The following ACTR3C variants were observed in gnomAD, a reference collection of about 807,000 sequenced individuals.
ACTR3C encodes the protein actin related protein 3C, also known as actin-related protein 3C.
A neutral mutation model predicts 26.3 loss-of-function variants in ACTR3C; 18 were observed. The observed-to-expected ratio is 0.68, with a 90% CI of 0.47 to 1.01. The LOEUF (loss-of-function observed/expected upper bound fraction) is 1.01. Ranked by LOEUF, ACTR3C falls within the 50% of genes least tolerant of loss-of-function variation. ACTR3C has a pLI of 0.00. For synonymous variants in ACTR3C, 55 were observed against 94.5 expected (o/e 0.58, Z 2.42); for missense variants, 184 against 250.7 (o/e 0.73, Z 1.80).
the ACTR3C span, among the ~76,000 whole-genome samples, chr7:150,121,119 G>A: frequency 6.6e-6 from 1 of 152,120 alleles, no homozygotes; most frequent in African/African-American, 2.4e-5. Context: ...CAAACCCACA[G>A]CCAATATCAC....
the ACTR3C span, among the ~76,000 whole-genome samples, chr7:150,043,242 G>A: frequency 1.3e-5 from 2 of 151,124 alleles, no homozygotes; most frequent in Non-Finnish European, 3.0e-5. Context: ...TCCTCCAGGT[G>A]GTTCCTAAGG....
chr7:149,996,708 G>A, the ACTR3C span, among the ~76,000 whole-genome samples: 1 of 149,004 alleles, frequency 6.7e-6, no homozygotes, highest in Non-Finnish European at 1.5e-5. Flanking sequence ...AGTATCCAAT[G>A]GCATCTTAAA....
the ACTR3C span, among the ~76,000 whole-genome samples, chr7:149,977,630 C>T: frequency 1.3e-3 from 195 of 152,334 alleles, no homozygotes; most frequent in African/African-American, 4.4e-3. Flanking sequence ...ATTCACCTCC[C>T]AGGTCTCATG....
chr7:150,017,754 C>T, the ACTR3C span, among the ~76,000 whole-genome samples: 1 of 149,966 alleles, frequency 6.7e-6, no homozygotes, highest in East Asian at 1.9e-4. Context: ...CACCCGTTAT[C>T]CCCCATCTCT....
At chr7:150,194,016 A>C in the ACTR3C span, among the ~76,000 whole-genome samples, 1 of 149,702 alleles carries the variant, frequency 6.7e-6, no homozygotes, top group Non-Finnish European at 1.5e-5. Flanking sequence ...ACACACACAC[A>C]CACACACGAA....
chr7:150,118,103 G>C, the ACTR3C span, among the ~76,000 whole-genome samples: 1 of 152,144 alleles, frequency 6.6e-6, no homozygotes, highest in Non-Finnish European at 1.5e-5. Context: ...AAATACCAAA[G>C]GTAGAGAAAT....
At chr7:150,281,094 G>A (rs1217407694) in intron 6 of ACTR3C, among the ~76,000 whole-genome samples, 2 of 152,002 alleles carry the variant, frequency 1.3e-5, no homozygotes, top group African/African-American at 4.8e-5. Context: ...AAGCACACAG[G>A]TAGCCGAGGT....
the ACTR3C span, among the ~76,000 whole-genome samples, chr7:150,118,425 C>G: frequency 6.6e-6 from 1 of 151,236 alleles, no homozygotes; most frequent in South Asian, 2.1e-4. Flanking sequence ...AGCACGAGAA[C>G]TTTGTGAAGC....
chr7:150,183,696 C>CAAAAAAAAAAAAAAAAAAAAAA, the ACTR3C span, among the ~76,000 whole-genome samples: 1 of 48,034 alleles, frequency 2.1e-5, no homozygotes. Context: ...GTGGCTATGG[C>CAAAAAAAAAAAAAAAAAAAAAA]AAAAAAAAAA....
the ACTR3C span, among the ~76,000 whole-genome samples, chr7:150,123,588 C>T: frequency 3.5e-4 from 46 of 133,196 alleles, no homozygotes; most frequent in Admixed American, 1.7e-3. Flanking sequence ...GGTCAACACA[C>T]ACACACACAC....
chr7:150,192,849 T>C, the ACTR3C span, among the ~76,000 whole-genome samples: 1 of 152,238 alleles, frequency 6.6e-6, no homozygotes, highest in Non-Finnish European at 1.5e-5. Context: ...GATTAACATG[T>C]AAACAACTGA....
the ACTR3C span, among the ~76,000 whole-genome samples, chr7:150,187,193 C>G: frequency 6.6e-6 from 1 of 151,282 alleles, no homozygotes; most frequent in Non-Finnish European, 1.5e-5. Context: ...CTTTTGCTTG[C>G]TATTTCTTTA....
the ACTR3C span, among the ~76,000 whole-genome samples, chr7:150,102,751 ACTC>A: frequency 2.7e-3 from 405 of 150,642 alleles, no homozygotes; most frequent in African/African-American, 9.4e-3. Context: ...TGAAATCAAC[ACTC>A]CTCATCACTC....
the ACTR3C span, among the ~76,000 whole-genome samples, chr7:150,196,486 C>G: frequency 6.6e-6 from 1 of 152,200 alleles, no homozygotes; most frequent in Admixed American, 6.5e-5. Flanking sequence ...TTTGATCCTA[C>G]ATGCTGTTCA....
At chr7:150,307,504 G>A (rs1795886842) in intron 1 of ACTR3C, among the ~76,000 whole-genome samples, 1 of 152,108 alleles carries the variant, frequency 6.6e-6, no homozygotes. Flanking sequence ...TGTACCTTGT[G>A]ACCCCCTCCT....
At chr7:150,078,055 G>A in the ACTR3C span, among the ~76,000 whole-genome samples, 43 of 152,236 alleles carry the variant, frequency 2.8e-4, no homozygotes, top group African/African-American at 1.0e-3. Context: ...AAAATTTCAG[G>A]GGGGAGCATC....
the ACTR3C span, among the ~76,000 whole-genome samples, chr7:149,997,680 TG>T: frequency 6.9e-6 from 1 of 145,544 alleles, no homozygotes; most frequent in Non-Finnish European, 1.5e-5. Context: ...TATCCTTACA[TG>T]GAGCAAACCT....
chr7:150,159,276 G>A, the ACTR3C span, among the ~76,000 whole-genome samples: 1 of 151,892 alleles, frequency 6.6e-6, no homozygotes, highest in African/African-American at 2.4e-5. Context: ...CTTCTTCCCA[G>A]GATGGGCTTG....
the ACTR3C span, among the ~76,000 whole-genome samples, chr7:150,131,881 G>A: frequency 6.2e-4 from 95 of 152,302 alleles, 2 homozygotes; most frequent in South Asian, 0.019. Flanking sequence ...GTCATAAAAC[G>A]CAATGAAGTA....
Sources: gnomAD v4.1 joint callset for allele counts (sites outside exome capture counted in the v4.1 genomes callset) on GRCh38, gnomAD v4.1.1 for gene constraint, MANE v1.5 for transcripts, NCBI Gene and HGNC (gene_info 2026-07-23, HGNC 2026-07-21) for gene names.